Variants in PCDHGB1 observed in about 807,000 individuals in gnomAD.
The protein encoded by PCDHGB1 is protocadherin gamma subfamily B, 1, also known as protocadherin gamma-B1.
A neutral mutation model predicts 56.6 loss-of-function variants in PCDHGB1; 34 were observed. The observed-to-expected ratio is 0.60, with a 90% CI of 0.46 to 0.80. The LOEUF (loss-of-function observed/expected upper bound fraction) is 0.80. Ranked by LOEUF, PCDHGB1 falls within the 30% of genes least tolerant of loss-of-function variation. The probability of loss-of-function intolerance (pLI) is 0.00; values close to 1 mark genes in which losing one functional copy is unlikely to be tolerated. For missense variants in PCDHGB1, 1,278 were observed against 1,204.6 expected, an observed-to-expected ratio of 1.06 and a Z score of -0.90; for synonymous variants, 561 against 505.9, an observed-to-expected ratio of 1.11 and a Z score of -1.46.
chr5:141,470,037 G>A lies in PCDHGB1; in HGVS notation c.2410-24770G>A, dbSNP rs76537989. Among the ~76,000 whole-genome samples the A allele has an allele frequency of 2.3e-3, 347 of 152,258 alleles. 6 individuals are homozygous for A. The East Asian group carries it at 0.048, about 21-fold the overall frequency. On this transcript the variant is annotated intron_variant, in intron 1 of 3. Transcript: ENST00000523390. ...CCAGCTACTCGGGATGCTGAGGCGC[G>A]AGAACTGTTTGAACCCCGGAGGCAG...
intron 1 of PCDHGB1, among the ~76,000 whole-genome samples, chr5:141,462,355 A>T (rs1592773702): frequency 6.6e-6 from 1 of 152,226 alleles, no homozygotes; most frequent in East Asian, 1.9e-4. Context: ...AAAAATATAC[A>T]TTGTATAGTT....
In PCDHGB1 at chr5:141,477,955, C is replaced by T. The variant is rs748233998; in HGVS notation, c.2410-16852C>T. The T allele has an allele frequency of 3.7e-6, 6 of 1,614,004 alleles. No homozygotes were observed. Among genetic ancestry groups the T allele is most frequent in the Admixed American group, 3.3e-5 (2 of 59,988 alleles). On this transcript the variant is annotated intron_variant, in intron 1 of 3. Transcript: ENST00000523390. This position sits in a 1 kb window ranked among gnomAD's most constrained non-coding sequence, Gnocchi z 4.9. ...GGCTCTCCTACAGTCTCTTGGGATCCCCTAACCAGAGCCTTTTTGCCATAG... is the reference window on the plus strand; with the variant it reads ...GGCTCTCCTACAGTCTCTTGGGATCTCCTAACCAGAGCCTTTTTGCCATAG...
At chr5:141,422,498 C>T (rs1482415670) in intron 1 of PCDHGB1, 1 of 1,613,964 alleles carries the variant, frequency 6.2e-7, no homozygotes, top group Admixed American at 1.7e-5. Flanking sequence ...ATAACGTTGA[C>T]AGCCACAGAC....
chr5:141,407,847 T>C (rs1236964962), intron 1 of PCDHGB1, among the ~76,000 whole-genome samples: 2 of 152,224 alleles, frequency 1.3e-5, no homozygotes, highest in African/African-American at 4.8e-5. Context: ...TTGAGGGGGA[T>C]GTACACCTGC....
At position 141,351,146 on chromosome 5, in the gene PCDHGB1, GA is replaced by G; in HGVS notation, c.887del (p.Asp296AlafsTer18). 6.2e-7 allele frequency: 1 copy of G among 1,613,958 alleles called. No individual in the cohort carries two copies. Among genetic ancestry groups the G allele is most frequent in the Non-Finnish European group, 8.5e-7 (1 of 1,179,888 alleles). ...CTTCAATCTCAATCCAAATACTGGCGACATCACAACCAATGGCACATTGGAT... is the reference window on the plus strand; with the variant it reads ...CTTCAATCTCAATCCAAATACTGGCGCATCACAACCAATGGCACATTGGAT... ...SLFNLNPNTG[D>X]ITTNGTLDFE... is the part of the protein sequence containing the mutation. On this transcript the variant is annotated frameshift_variant, in exon 1 of 4. Coordinates refer to ENST00000523390, the MANE Select transcript of PCDHGB1 (RefSeq NM_018922.3). LOFTEE classifies it high-confidence loss of function.
intron 1 of PCDHGB1, chr5:141,415,752 T>TG: frequency 1.6e-5 from 22 of 1,372,540 alleles, no homozygotes; most frequent in Middle Eastern, 2.6e-4. Flanking sequence ...TTTTTTTTTT[T>TG]TTTTTTTTTT....
At chr5:141,404,150 G>T in intron 1 of PCDHGB1, 1 of 1,612,828 alleles carries the variant, frequency 6.2e-7, no homozygotes, top group South Asian at 1.1e-5. Flanking sequence ...TTCAGAAGAA[G>T]ATTATTACAG....
At position 141,487,886 on chromosome 5, in the gene PCDHGB1, G is replaced by A. The variant is rs1208779156; in HGVS notation, c.2410-6921G>A. On this transcript the variant is annotated intron_variant, in intron 1 of 3. Transcript: ENST00000523390. This position sits in a 1 kb window ranked among gnomAD's most constrained non-coding sequence, Gnocchi z 5.0. ...GATCAAGAGCCAGGCTGTTGTGGAA[G>A]CATGATGATGGAATGTGGGAGCACA... is the stretch of plus-strand genomic sequence containing the variant. 1.3e-6 allele frequency: 1 copy of A among 751,316 alleles called. No individual in the cohort carries two copies. The highest frequency in any genetic ancestry group is 2.1e-6 in the Non-Finnish European group (1 of 467,526). The allele number at this position is 751,316 out of a possible 1,614,324, so 46.5% of individuals were successfully genotyped here.
At chr5:141,474,452 G>A (rs1341193950) in intron 1 of PCDHGB1, among the ~76,000 whole-genome samples, 1 of 152,158 alleles carries the variant, frequency 6.6e-6, no homozygotes, top group Non-Finnish European at 1.5e-5. Flanking sequence ...CAAGTGATTG[G>A]GCTATACTCT....
chr5:141,378,356 C>G (rs1244158802), intron 1 of PCDHGB1: 2 of 152,218 alleles, frequency 1.3e-5, no homozygotes, highest in African/African-American at 4.8e-5. Flanking sequence ...AACCCCGTCT[C>G]TACTAAAAAT....
At chr5:141,383,639 A>G in intron 1 of PCDHGB1, 3 of 1,613,964 alleles carry the variant, frequency 1.9e-6, no homozygotes, top group Non-Finnish European at 2.5e-6. Flanking sequence ...CTGCCTCAGT[A>G]CCAAGTAACT....
rs188874944 is a variant in PCDHGB1, at chr5:141,446,708, C to T, written c.2410-48099C>T. Among the ~76,000 whole-genome samples, 183 of 152,314 alleles carry T rather than the reference C, an allele frequency of 1.2e-3. 1 individual carries two copies. The highest frequency in any genetic ancestry group is 2.1e-3 in the Admixed American group (32 of 15,302). On this transcript the variant is annotated intron_variant, in intron 1 of 3. Coordinates refer to ENST00000523390, the MANE Select transcript of PCDHGB1 (RefSeq NM_018922.3). ...GGCCAGGCTGGTCTCGAACTCTGAT[C>T]TGCCCGCCTCGGCCTCCCAAAGTGT...
In PCDHGB1 at chr5:141,408,459, T is replaced by A; in HGVS notation, c.2409+55790T>A. 5 of 1,613,950 alleles carry A rather than the reference T, an allele frequency of 3.1e-6. No homozygotes were observed. The East Asian group carries it at 1.1e-4, about 36-fold the overall frequency. Reference sequence around the variant, plus strand: ...GACGCGGAGAGCGGGGACTTACTTGTGAAGAACCGAATAGACCGTGAGCAA... The same window carrying A: ...GACGCGGAGAGCGGGGACTTACTTGAGAAGAACCGAATAGACCGTGAGCAA... On this transcript the variant is annotated intron_variant, in intron 1 of 3. Transcript: ENST00000523390.
At chr5:141,388,559 T>C in intron 1 of PCDHGB1, 1 of 1,613,890 alleles carries the variant, frequency 6.2e-7, no homozygotes, top group Non-Finnish European at 8.5e-7. Context: ...TAAGCAGCAC[T>C]GCACAGATAC....
chr5:141,351,119 C>A lies in PCDHGB1; in HGVS notation c.859C>A (p.Leu287Ile), dbSNP rs1475553712. 9.3e-6 allele frequency: 15 copies of A among 1,614,056 alleles called. No individual in the cohort carries two copies. Among genetic ancestry groups the A allele is most frequent in the Non-Finnish European group, 1.3e-5 (15 of 1,179,906 alleles). Residue 287 changes from leucine (L) to isoleucine (I), a missense_variant, in exon 1 of 4, where the codon CTC (leucine) becomes ATC (isoleucine). Coordinates refer to ENST00000523390, the MANE Select transcript of PCDHGB1 (RefSeq NM_018922.3). ...CCTCAATTCCCCAATAAGTACCAGC[C>A]TCTTCAATCTCAATCCAAATACTGG... ...AFLNSPISTSLFNLNPNTGDI... is the reference protein window; with the variant it reads ...AFLNSPISTSIFNLNPNTGDI...
chr5:141,362,184 C>T (rs1252521454), intron 1 of PCDHGB1: 1 of 1,614,058 alleles, frequency 6.2e-7, no homozygotes, highest in Admixed American at 1.7e-5. Flanking sequence ...AGCCCTCTGA[C>T]CCCCAGGCAA....
chr5:141,478,903 C>T lies in PCDHGB1; in HGVS notation c.2410-15904C>T. On this transcript the variant is annotated intron_variant, in intron 1 of 3. Transcript: ENST00000523390. Reference sequence around the variant, plus strand: ...TGGTATCATTTACATTAGGAATAAGCTGCTGGATACCTCTAACCAGTGGCA... The same window carrying T: ...TGGTATCATTTACATTAGGAATAAGTTGCTGGATACCTCTAACCAGTGGCA... 4.2e-6 allele frequency: 4 copies of T among 957,824 alleles called. No homozygotes were observed. The South Asian group carries it at 7.3e-5, about 18-fold the overall frequency. 59.3% of individuals were successfully genotyped at this position (957,824 alleles called of 1,614,324 possible). A position where few individuals can be genotyped will look rare whatever the true frequency, so the allele number is the denominator to read the frequency against.
At chr5:141,463,075 A>G (rs943294678) in intron 1 of PCDHGB1, among the ~76,000 whole-genome samples, 3 of 152,180 alleles carry the variant, frequency 2.0e-5, no homozygotes, top group East Asian at 1.9e-4. Context: ...ATGAAATTCA[A>G]ACATTTTCCA....
chr5:141,365,964 A>G, intron 1 of PCDHGB1: 1 of 1,614,252 alleles, frequency 6.2e-7, no homozygotes, highest in Non-Finnish European at 8.5e-7. Context: ...CTTAGCAGCA[A>G]CGTGTCGCTG....
Sources: allele counts gnomAD v4.1 joint callset (sites outside exome capture counted in the v4.1 genomes callset), GRCh38; gene constraint gnomAD v4.1.1; non-coding constraint Gnocchi (gnomAD v3.1); transcripts MANE v1.5; gene names NCBI Gene and HGNC (gene_info 2026-07-23, HGNC 2026-07-21).